ENOX1: variants seen among roughly 807,000 people sequenced by gnomAD.
ENOX1 encodes the protein ecto-NOX disulfide-thiol exchanger 1, also known as candidate growth-related and time keeping constitutive hydroquinone (NADH) oxidase.
ENOX1 carries 42 observed loss-of-function variants against 82.5 expected under a neutral mutation model. The observed-to-expected ratio is 0.51, with a 90% CI of 0.40 to 0.66. The LOEUF (loss-of-function observed/expected upper bound fraction) is 0.66, where lower values mean the gene tolerates loss of function less well. Ranked by LOEUF, ENOX1 falls within the 30% of genes least tolerant of loss-of-function variation. The pLI is 0.00. For synonymous variants in ENOX1, 271 were observed against 282.2 expected (o/e 0.96, Z 0.40); for missense variants, 608 against 811.6 (o/e 0.75, Z 3.05).
intron 1 of ENOX1, among the ~76,000 whole-genome samples, chr13:43,683,072 T>G (rs1343230590): frequency 1.3e-5 from 2 of 152,152 alleles, no homozygotes; most frequent in Non-Finnish European, 2.9e-5. Context: ...ATCCTTTATC[T>G]TTGGAATTGT....
At chr13:43,316,956 AGAAAATGCTTGTC>A (rs948624309) in intron 11 of ENOX1, among the ~76,000 whole-genome samples, 2 of 152,224 alleles carry the variant, frequency 1.3e-5, no homozygotes, top group African/African-American at 4.8e-5. Context: ...TTCCCAGAAG[AGAAAATGCTTGTC>A]TTTAATTCAG....
chr13:43,706,911 T>C (rs934479618), intron 1 of ENOX1, among the ~76,000 whole-genome samples: 1 of 152,076 alleles, frequency 6.6e-6, no homozygotes, highest in African/African-American at 2.4e-5. Context: ...AAGATATATA[T>C]ATATATATGG....
chr13:43,361,372 G>C lies in ENOX1; in HGVS notation c.289C>G (p.Leu97Val). ...GGTGGTGGGGGAGGTACCAGTCCAA[G>C]GCCTGGTATCATTGGGTTAATGGGG... ...ITPINPMIPG[L>V]GLVPPPPPTE... Residue 97 changes from leucine (L) to valine (V), a missense_variant, in exon 6 of 17, where the codon CTT (leucine) becomes GTT (valine). Coordinates refer to ENST00000690772, the MANE Select transcript of ENOX1 (RefSeq NM_001347969.2). The C allele has an allele frequency of 6.2e-7, 1 of 1,613,610 alleles. No homozygotes were observed. Among genetic ancestry groups the C allele is most frequent in the Non-Finnish European group, 8.5e-7 (1 of 1,179,916 alleles).
chr13:43,647,104 G>A (rs1007963904), intron 2 of ENOX1, among the ~76,000 whole-genome samples: 11 of 152,152 alleles, frequency 7.2e-5, no homozygotes, highest in Non-Finnish European at 1.5e-5. Flanking sequence ...GACCTTGTAA[G>A]GGGCAGGGAA....
At position 43,583,100 on chromosome 13, in the gene ENOX1, C is replaced by T. The variant is rs558841068; in HGVS notation, c.-219+84379G>A. Among the ~76,000 whole-genome samples, 17 of 152,224 alleles carry T rather than the reference C, an allele frequency of 1.1e-4. 1 individual carries two copies. Among genetic ancestry groups the T allele is most frequent in the African/African-American group, 4.1e-4 (17 of 41,522 alleles). On this transcript the variant is annotated intron_variant, in intron 2 of 16. Coordinates refer to ENST00000690772, the MANE Select transcript of ENOX1 (RefSeq NM_001347969.2). ...ACAAAAAATTCCAATGCCATTTAAACTCCTTCAAAGCATAAGGGAAGAAAA... is the reference window on the plus strand; with the variant it reads ...ACAAAAAATTCCAATGCCATTTAAATTCCTTCAAAGCATAAGGGAAGAAAA...
At chr13:43,693,836 C>T (rs1382563410) in intron 1 of ENOX1, among the ~76,000 whole-genome samples, 2 of 152,056 alleles carry the variant, frequency 1.3e-5, no homozygotes, top group Non-Finnish European at 2.9e-5. Context: ...ATCCAACAAA[C>T]AAAAATGTCG....
intron 5 of ENOX1, among the ~76,000 whole-genome samples, chr13:43,395,642 T>C (rs1296137796): frequency 6.6e-6 from 1 of 152,222 alleles, no homozygotes; most frequent in Non-Finnish European, 1.5e-5. Flanking sequence ...GTGGACAACA[T>C]ATCACAATAA....
chr13:43,418,739 C>T lies in ENOX1; in HGVS notation c.-74-5751G>A, dbSNP rs577498223. On this transcript the variant is annotated intron_variant, in intron 3 of 16. Coordinates refer to ENST00000690772, the MANE Select transcript of ENOX1 (RefSeq NM_001347969.2). The stretch of plus-strand genomic sequence containing the variant: ...CAAAATGCCAAGGATAAAAGTACAG[C>T]TTTGTTTGGCCTTAACAGATATCTA... Among the ~76,000 whole-genome samples the T allele has an allele frequency of 2.6e-5, 4 of 152,268 alleles. No individual in the cohort carries two copies. The East Asian group carries it at 7.7e-4, about 29-fold the overall frequency.
chr13:43,463,408 G>A (rs2057577134), intron 3 of ENOX1, among the ~76,000 whole-genome samples: 1 of 152,196 alleles, frequency 6.6e-6, no homozygotes, highest in East Asian at 1.9e-4. Context: ...GCTGCCCAGT[G>A]AGTAAAATGT....
intron 16 of ENOX1, among the ~76,000 whole-genome samples, chr13:43,217,047 C>T (rs2153448691): frequency 6.6e-6 from 1 of 152,242 alleles, no homozygotes; most frequent in South Asian, 2.1e-4. Flanking sequence ...CAGTAAATCC[C>T]ACAGGGTAAC....
chr13:43,252,942 T>A (rs2043540206), intron 14 of ENOX1, among the ~76,000 whole-genome samples: 1 of 152,194 alleles, frequency 6.6e-6, no homozygotes, highest in Admixed American at 6.5e-5. Context: ...TAAGACACAC[T>A]CCAGTTTGTT....
chr13:43,780,128 T>C (rs1031980733), intron 1 of ENOX1, among the ~76,000 whole-genome samples: 2 of 146,292 alleles, frequency 1.4e-5, no homozygotes, highest in African/African-American at 5.1e-5. Context: ...GCCACTGCAC[T>C]CCAGCCTGGG....
At chr13:43,617,286 C>T (rs531574818) in intron 2 of ENOX1, among the ~76,000 whole-genome samples, 10 of 152,266 alleles carry the variant, frequency 6.6e-5, no homozygotes, top group South Asian at 4.1e-4. Flanking sequence ...TCCTTATGCA[C>T]GCTCCCTCTT....
chr13:43,393,128 C>T (rs951926601), intron 5 of ENOX1, among the ~76,000 whole-genome samples: 9 of 152,172 alleles, frequency 5.9e-5, no homozygotes, highest in Non-Finnish European at 1.2e-4. Context: ...TAATGTGAAG[C>T]ATTGTATTTT....
At chr13:43,372,081 T>C (rs577941907) in intron 5 of ENOX1, among the ~76,000 whole-genome samples, 1 of 152,318 alleles carries the variant, frequency 6.6e-6, no homozygotes, top group South Asian at 2.1e-4. Context: ...TTTACAGAGT[T>C]CATCCTAAAG....
chr13:43,683,506 A>G (rs954147682), intron 1 of ENOX1, among the ~76,000 whole-genome samples: 1 of 152,124 alleles, frequency 6.6e-6, no homozygotes, highest in Non-Finnish European at 1.5e-5. Flanking sequence ...GAGATTTAAA[A>G]ATACACCAAC....
At chr13:43,228,336 G>A (rs1292889097) in intron 15 of ENOX1, among the ~76,000 whole-genome samples, 1 of 151,970 alleles carries the variant, frequency 6.6e-6, no homozygotes, top group Non-Finnish European at 1.5e-5. Flanking sequence ...AATTGGACTT[G>A]CTTGTTTCCA....
chr13:43,488,645 G>A (rs1442291979), intron 2 of ENOX1, among the ~76,000 whole-genome samples: 2 of 152,294 alleles, frequency 1.3e-5, no homozygotes, highest in East Asian at 1.9e-4. Flanking sequence ...GTACCGTCAT[G>A]AACAGAACAT....
chr13:43,772,969 G>A (rs1044254453), intron 1 of ENOX1, among the ~76,000 whole-genome samples: 2 of 152,080 alleles, frequency 1.3e-5, no homozygotes, highest in Non-Finnish European at 2.9e-5. Flanking sequence ...CATTACAAGA[G>A]GATTTTGTCC....
Sources: gnomAD v4.1 joint callset for allele counts (sites outside exome capture counted in the v4.1 genomes callset) on GRCh38, gnomAD v4.1.1 for gene constraint, MANE v1.5 for transcripts, NCBI Gene and HGNC (gene_info 2026-07-23, HGNC 2026-07-21) for gene names.